The following SLC25A48 variants were observed in gnomAD, a reference collection of about 807,000 sequenced individuals.
SLC25A48 encodes solute carrier family 25 member 48, also known as CTC-321K16.1.
Under a neutral mutation model 32.2 loss-of-function variants are expected in SLC25A48, and 29 were observed. That is an observed-to-expected ratio of 0.90 (90% confidence interval 0.67 to 1.23). The LOEUF is 1.23. Among genes scored for constraint, SLC25A48 ranks in the 50% most tolerant of loss-of-function variants. The pLI is 0.00. For missense variants in SLC25A48, 399 were observed against 422.7 expected (o/e 0.94, Z 0.49); for synonymous variants, 164 against 172.3 (o/e 0.95, Z 0.38).
chr5:135,674,728 T>A (rs1273064571), intron 3 of SLC25A48, among the ~76,000 whole-genome samples: 1 of 152,100 alleles, frequency 6.6e-6, no homozygotes, highest in Non-Finnish European at 1.5e-5. Flanking sequence ...CACATTTTCT[T>A]TATCCATTTG....
intron 2 of SLC25A48, among the ~76,000 whole-genome samples, chr5:135,846,364 C>A (rs917131347): frequency 1.3e-5 from 2 of 152,192 alleles, no homozygotes; most frequent in Admixed American, 1.3e-4. Flanking sequence ...ATGAACATCC[C>A]AGTGGGGGTT....
At chr5:135,773,849 G>A (rs1756479387) in intron 3 of SLC25A48, among the ~76,000 whole-genome samples, 1 of 150,224 alleles carries the variant, frequency 6.7e-6, no homozygotes, top group Admixed American at 6.7e-5. Flanking sequence ...GGGAGGGTAG[G>A]ATATTGCTCC....
chr5:135,595,730 A>G (rs947591686), intron 1 of SLC25A48, among the ~76,000 whole-genome samples: 1 of 152,218 alleles, frequency 6.6e-6, no homozygotes, highest in African/African-American at 2.4e-5. Context: ...AATTATTATT[A>G]TATGCATCTC....
intron 3 of SLC25A48, among the ~76,000 whole-genome samples, chr5:135,723,316 C>G (rs1755005654): frequency 6.6e-6 from 1 of 151,652 alleles, no homozygotes; most frequent in African/African-American, 2.4e-5. Flanking sequence ...TCAATGGGAG[C>G]TGAAACTATT....
chr5:135,672,538 A>G (rs1753680510), intron 3 of SLC25A48, among the ~76,000 whole-genome samples: 1 of 152,228 alleles, frequency 6.6e-6, no homozygotes, highest in Admixed American at 6.5e-5. Flanking sequence ...TCAACAGTCA[A>G]GGTCACAGCT....
rs556935899 is a variant in SLC25A48 at position 135,773,370 on chromosome 5, G to T, written c.-520-39153G>T. On this transcript the variant is annotated intron_variant, in intron 3 of 10. Coordinates refer to the SLC25A48 transcript ENST00000646290. ...TGGATATTATGAACAATATCATAGC[G>T]GGGTGTACACCCCCTGTGACAATAT... is the stretch of plus-strand genomic sequence containing the variant. Among the ~76,000 whole-genome samples, 3 of 151,116 alleles carry T rather than the reference G, an allele frequency of 2.0e-5. 1 individual carries two copies. The highest frequency in any genetic ancestry group is 7.3e-5 in the African/African-American group (3 of 41,180).
At chr5:135,749,625 C>T (rs1755723563) in intron 3 of SLC25A48, among the ~76,000 whole-genome samples, 1 of 151,756 alleles carries the variant, frequency 6.6e-6, no homozygotes, top group Non-Finnish European at 1.5e-5. Flanking sequence ...GAGTTTCACT[C>T]TTGTTGCCCA....
At chr5:135,887,908 TG>T (rs1762793068) in intron 7 of SLC25A48, 123 bp from the exon 8 acceptor site, 1 of 870,992 alleles carries the variant, frequency 1.1e-6, no homozygotes, top group Admixed American at 2.3e-5. Context: ...AGTGCAAAAG[TG>T]TTTTTGTAAA....
At chr5:135,794,164 A>G (rs1162791267) in intron 3 of SLC25A48, among the ~76,000 whole-genome samples, 1 of 151,890 alleles carries the variant, frequency 6.6e-6, no homozygotes, top group Non-Finnish European at 1.5e-5. Context: ...CCTAATATCC[A>G]TGAAGGAGAG....
chr5:135,585,524 G>T (rs905532353), intron 1 of SLC25A48, among the ~76,000 whole-genome samples: 66 of 152,306 alleles, frequency 4.3e-4, no homozygotes, highest in African/African-American at 1.5e-3. Flanking sequence ...TCAGGTCCAT[G>T]ATCCTCTGAG....
In SLC25A48 at chr5:135,843,559, C is replaced by T. The variant is rs1759174750; in HGVS notation, c.90+1100C>T. On this transcript the variant is annotated intron_variant, in intron 2 of 7. Transcript: ENST00000681962. ...TGGTAGGTGCTGGGGGACAATAACA[C>T]AAGGTGATGGCAAACACAGTGATGA... Among the ~76,000 whole-genome samples the T allele has an allele frequency of 2.0e-5, 3 of 152,148 alleles. No homozygotes were observed. The South Asian group carries it at 6.2e-4, about 32-fold the overall frequency.
intron 3 of SLC25A48, among the ~76,000 whole-genome samples, chr5:135,725,576 C>T (rs1208475671): frequency 2.0e-5 from 3 of 152,192 alleles, no homozygotes; most frequent in African/African-American, 2.4e-5. Context: ...GCCTCCCTCT[C>T]CTTCCTCAAG....
intron 3 of SLC25A48, among the ~76,000 whole-genome samples, chr5:135,657,691 C>G (rs867478397): frequency 1.3e-5 from 2 of 152,180 alleles, no homozygotes; most frequent in Admixed American, 1.3e-4. Context: ...CTGTGTGTAT[C>G]TAGTCTAAAT....
intron 3 of SLC25A48, among the ~76,000 whole-genome samples, chr5:135,805,511 A>T (rs1757441989): frequency 6.6e-6 from 1 of 151,708 alleles, no homozygotes; most frequent in Non-Finnish European, 1.5e-5. Context: ...TCCTAATATC[A>T]CAGTGGGTGT....
chr5:135,643,330 C>CT (rs1752884873), intron 3 of SLC25A48, among the ~76,000 whole-genome samples: 1 of 152,166 alleles, frequency 6.6e-6, no homozygotes, highest in Admixed American at 6.5e-5. Context: ...ACACAAGACT[C>CT]TGTGAAGAGA....
At chr5:135,818,053 TCCTCTCTCTC>T (rs1561507287) in intron 4 of SLC25A48, among the ~76,000 whole-genome samples, 4 of 46,582 alleles carry the variant, frequency 8.6e-5, no homozygotes, top group African/African-American at 4.2e-4. Context: ...TTCTCTCTGT[TCCTCTCTCTC>T]TCTCTCTCTC....
chr5:135,793,446 G>T (rs951586234), intron 3 of SLC25A48, among the ~76,000 whole-genome samples: 1 of 151,614 alleles, frequency 6.6e-6, no homozygotes, highest in Non-Finnish European at 1.5e-5. Context: ...TGTACATTCT[G>T]GGATATTATC....
intron 1 of SLC25A48, among the ~76,000 whole-genome samples, chr5:135,607,332 A>G (rs866418117): frequency 6.6e-6 from 1 of 152,206 alleles, no homozygotes; most frequent in Non-Finnish European, 1.5e-5. Context: ...CTGATCTCCA[A>G]TCAAGGAGAC....
chr5:135,757,197 TTAA>T (rs1185668448), intron 3 of SLC25A48, among the ~76,000 whole-genome samples: 3 of 150,006 alleles, frequency 2.0e-5, no homozygotes, highest in African/African-American at 7.3e-5. Flanking sequence ...ACACATTATA[TTAA>T]TGTCATCTAT....
Sources: gnomAD v4.1 joint callset for allele counts (sites outside exome capture counted in the v4.1 genomes callset) on GRCh38, gnomAD v4.1.1 for gene constraint, MANE v1.5 for transcripts, NCBI Gene and HGNC (gene_info 2026-07-23, HGNC 2026-07-21) for gene names.